The following SDS variants were observed in gnomAD, a reference collection of about 807,000 sequenced individuals.
SDS encodes the protein L-serine dehydratase/L-threonine deaminase.
In SDS, 19 loss-of-function variants were observed where a neutral mutation model predicts 29.3. The ratio of observed to expected loss-of-function variants is 0.65; its 90% CI spans 0.45 to 0.95. The LOEUF is 0.95. Among genes scored for constraint, SDS ranks in the 40% least tolerant of loss-of-function variants. The pLI, the probability that SDS is intolerant of heterozygous loss-of-function variation, is 0.00. For synonymous variants in SDS, 176 were observed against 189.0 expected, an observed-to-expected ratio of 0.93 and a Z score of 0.56; for missense variants, 375 against 439.9, an observed-to-expected ratio of 0.85 and a Z score of 1.32.
At chr12:113,393,579 C>T (rs541293529) in intron 7 of SDS, among the ~76,000 whole-genome samples, 1 of 152,166 alleles carries the variant, frequency 6.6e-6, no homozygotes, top group Admixed American at 6.5e-5. Flanking sequence ...AAACTCTGAG[C>T]CCCATGTTTT....
chr12:113,399,350 C>G, intron 2 of SDS, 199 bp from the exon 3 acceptor site: 1 of 837,740 alleles, frequency 1.2e-6, no homozygotes, highest in East Asian at 2.7e-5. Context: ...AAATAGGCGA[C>G]TGATGGCTCT....
chr12:113,393,175 G>C, intron 7 of SDS, 26 bp from the exon 8 acceptor site: 2 of 1,609,938 alleles, frequency 1.2e-6, no homozygotes, highest in Non-Finnish European at 1.7e-6. Context: ...CGTGACAGGG[G>C]CGTGGCCTGA....
rs1376571713 is a variant in SDS, at chr12:113,397,184, A to T, written c.634T>A (p.Ser212Thr). ...HAATTAGKLVSLPKITSVAKA... is the reference protein window; with the variant it reads ...HAATTAGKLVTLPKITSVAKA... ...GCTCACCTGGTGATCTTGGGCAGGG[A>T]GACAAGTTTGCCTGCGGTGGTGGCA... The change falls in exon 6 of 8, where the codon TCC (serine) becomes ACC (threonine). Residue 212 changes from serine to threonine, a missense_variant. Transcript: ENST00000257549. 6.2e-7 allele frequency: 1 copy of T among 1,614,174 alleles called. No individual in the cohort carries two copies. Among genetic ancestry groups the T allele is most frequent in the African/African-American group, 1.3e-5 (1 of 75,070 alleles).
chr12:113,398,997 G>A, intron 3 of SDS, 115 bp downstream of exon 3: 1 of 1,551,290 alleles, frequency 6.4e-7, no homozygotes, highest in East Asian at 2.3e-5. Context: ...CCAAATTGGT[G>A]GCTGCTGCCA....
Position 113,399,149 on chromosome 12 carries a change from C to T in SDS, c.156G>A (p.Trp52Ter), listed in dbSNP as rs768264474. 10 of 1,613,704 alleles carry T rather than the reference C, an allele frequency of 6.2e-6. No homozygotes were observed. Among genetic ancestry groups the T allele is most frequent in the Non-Finnish European group, 8.5e-6 (10 of 1,179,876 alleles). ...CAAAATGTGCACAGCCTTGCTTGGC[C>T]CACTGTGGAGACAACAGGAGAGGCA... ...IRGIGHFCKR[W>*]AKQGCAHFVC... Residue 52 changes from tryptophan (W) to a stop codon, truncating the protein, a stop_gained and splice_region_variant, in exon 3 of 8, where the codon TGG becomes TGA. Coordinates refer to ENST00000257549, the MANE Select transcript of SDS (RefSeq NM_006843.3). LOFTEE classifies it high-confidence loss of function.
chr12:113,398,389 G>A lies in SDS; in HGVS notation c.425+126C>T, dbSNP rs549623225. 8.4e-5 allele frequency: 55 copies of A among 653,468 alleles called. No homozygotes were observed. The South Asian group carries it at 1.0e-3, about 12-fold the overall frequency. The allele number at this position is 653,468 out of a possible 1,614,324, so 40.5% of individuals were successfully genotyped here. On this transcript the variant is annotated intron_variant, in intron 5 of 7. Transcript: ENST00000257549. ...CCCCGCCTAAGTGTGCTTCTACATG[G>A]TGGTGTGCGCACACATGTGCAGCTG... is the stretch of plus-strand genomic sequence containing the variant.
At chr12:113,396,882 TC>T in intron 6 of SDS, 1 of 505,090 alleles carries the variant, frequency 2.0e-6, no homozygotes, top group East Asian at 3.2e-5. Flanking sequence ...CAAGTGATCT[TC>T]CTGCCTCAGC....
At chr12:113,396,433 CTCTTTCTTTT>C (rs1281301106) in intron 6 of SDS, among the ~76,000 whole-genome samples, 3 of 146,274 alleles carry the variant, frequency 2.1e-5, no homozygotes, top group African/African-American at 7.7e-5. Context: ...CTCTTTCTTT[CTCTTTCTTTT>C]TCTTTCTCTC....
intron 1 of SDS, among the ~76,000 whole-genome samples, chr12:113,403,310 G>T (rs913749104): frequency 6.6e-6 from 1 of 151,908 alleles, no homozygotes; most frequent in Admixed American, 6.6e-5. Context: ...TCTTTTTTTA[G>T]GTCAGGAGTT....
chr12:113,400,280 A>G (rs1957676612), intron 1 of SDS, among the ~76,000 whole-genome samples: 1 of 151,688 alleles, frequency 6.6e-6, no homozygotes, highest in African/African-American at 2.4e-5. Flanking sequence ...TGACAGAGCA[A>G]GACTCTGTCT....
intron 6 of SDS, among the ~76,000 whole-genome samples, chr12:113,396,216 C>T (rs1225906622): frequency 6.6e-6 from 1 of 152,194 alleles, no homozygotes; most frequent in Non-Finnish European, 1.5e-5. Context: ...CAGTGTCTTA[C>T]ACACAATAGG....
At chr12:113,396,411 TTCTTTCTTTCTC>T (rs1345332683) in intron 6 of SDS, among the ~76,000 whole-genome samples, 25 of 150,942 alleles carry the variant, frequency 1.7e-4, no homozygotes, top group South Asian at 4.2e-4. Context: ...TTTCTCTTTT[TTCTTTCTTTCTC>T]TCTTTCTTTC....
chr12:113,396,556 T>TCCTTCCTTCCTTCCTC (rs1957647431), intron 6 of SDS: 1 of 70,676 alleles, frequency 1.4e-5, no homozygotes, highest in African/African-American at 5.3e-5. Flanking sequence ...CTTCCTTCCT[T>TCCTTCCTTCCTTCCTC]CCTTCCTTCC....
intron 6 of SDS, among the ~76,000 whole-genome samples, chr12:113,396,411 TTC>T (rs1458374723): frequency 6.6e-6 from 1 of 150,822 alleles, no homozygotes; most frequent in East Asian, 2.0e-4. Flanking sequence ...TTTCTCTTTT[TTC>T]TTTCTTTCTC....
Position 113,392,569 on chromosome 12 carries a change from C to A in SDS, c.*372G>T. Reference sequence around the variant, plus strand: ...GGTTCCTCAACCCTGGTTGGTGGCCCTGTTGACCTTCACTGGGAACAAGTT... The same window carrying A: ...GGTTCCTCAACCCTGGTTGGTGGCCATGTTGACCTTCACTGGGAACAAGTT... On this transcript the variant is annotated 3_prime_UTR_variant, in exon 8 of 8. Transcript: ENST00000257549. 4.0e-6 allele frequency: 1 copy of A among 248,684 alleles called. No homozygotes were observed. Among genetic ancestry groups the A allele is most frequent in the Non-Finnish European group, 7.7e-6 (1 of 130,672 alleles). The allele number at this position is 248,684 out of a possible 1,614,324, so 15.4% of individuals were successfully genotyped here. A position where few individuals can be genotyped will look rare whatever the true frequency, so the allele number is the denominator to read the frequency against.
Position 113,393,029 on chromosome 12 carries a change from A to T in SDS, c.899T>A (p.Val300Asp). 1 of 1,614,210 alleles carries T rather than the reference A, an allele frequency of 6.2e-7. No homozygotes were observed. The highest frequency in any genetic ancestry group is 8.5e-7 in the Non-Finnish European group (1 of 1,180,038). Residue 300 changes from valine (V) to aspartate (D), a missense_variant, in exon 8 of 8, where the codon GTC becomes GAC. Transcript: ENST00000257549. Reference protein sequence around the residue: ...NLRTPLPSLVVIVCGGSNISL... With the variant: ...NLRTPLPSLVDIVCGGSNISL... ...GATGTTGCTGCCCCCGCAGACGATG[A>T]CCACGAGGGATGGCAGCGGGGTTCG...
At chr12:113,396,324 T>TCCTC (rs374065080) in intron 6 of SDS, among the ~76,000 whole-genome samples, 12 of 150,622 alleles carry the variant, frequency 8.0e-5, no homozygotes, top group African/African-American at 2.2e-4. Flanking sequence ...CTTCCTTCCT[T>TCCTC]CCTCCCTCCC....
At chr12:113,402,586 C>T (rs1166226136) in intron 1 of SDS, among the ~76,000 whole-genome samples, 2 of 152,252 alleles carry the variant, frequency 1.3e-5, no homozygotes, top group African/African-American at 2.4e-5. Context: ...AGCCACCACA[C>T]CGACTGACTT....
In SDS at chr12:113,397,331, T is replaced by A. The variant is rs759287194; in HGVS notation, c.487A>T (p.Ile163Phe). Residue 163 changes from isoleucine (I) to phenylalanine (F), a missense_variant, in exon 6 of 8, where the codon ATC (isoleucine) becomes TTC (phenylalanine). Coordinates refer to ENST00000257549, the MANE Select transcript of SDS (RefSeq NM_006843.3). ...KETLWEKPGAIALSVGGGGLL... is the reference protein window; with the variant it reads ...KETLWEKPGAFALSVGGGGLL... ...CCCCCGCCGCCCACTGACAGCGCGA[T>A]GGCCCCCGGCTTTTCCCACAGTGTC... 3.7e-6 allele frequency: 6 copies of A among 1,614,020 alleles called. No homozygotes were observed. Among genetic ancestry groups the A allele is most frequent in the Non-Finnish European group, 5.1e-6 (6 of 1,179,884 alleles).
Sources: gnomAD v4.1 joint callset for allele counts (sites outside exome capture counted in the v4.1 genomes callset) on GRCh38, gnomAD v4.1.1 for gene constraint, MANE v1.5 for transcripts, NCBI Gene and HGNC (gene_info 2026-07-23, HGNC 2026-07-21) for gene names.